The following RGS6 variants were observed in gnomAD, a reference collection of about 807,000 sequenced individuals.
RGS6 encodes the protein regulator of G-protein signaling 6.
RGS6 carries 30 observed loss-of-function variants against 78.5 expected under a neutral mutation model. The ratio of observed to expected loss-of-function variants is 0.38; its 90% CI spans 0.29 to 0.52. RGS6 has a LOEUF of 0.52. RGS6 is among the 20% of genes least tolerant of loss of function. RGS6 has a pLI of 0.85. For synonymous variants in RGS6, 206 were observed against 206.0 expected (o/e 1.00, Z 0.00); for missense variants, 495 against 609.7 (o/e 0.81, Z 1.98).
chr14:72,185,181 T>G (rs1433181901), intron 2 of RGS6, among the ~76,000 whole-genome samples: 1 of 152,014 alleles, frequency 6.6e-6, no homozygotes, highest in Non-Finnish European at 1.5e-5. Flanking sequence ...TTCTTCTGCT[T>G]GCTTTATTCT....
intron 17 of RGS6, among the ~76,000 whole-genome samples, chr14:72,552,023 T>A (rs1451483615): frequency 1.3e-5 from 2 of 152,230 alleles, no homozygotes; most frequent in Non-Finnish European, 2.9e-5. Context: ...ATTATGATAT[T>A]ATTTGCAGCT....
intron 3 of RGS6, among the ~76,000 whole-genome samples, chr14:72,393,297 A>G (rs918608409): frequency 6.6e-6 from 1 of 152,206 alleles, no homozygotes. Context: ...TTTGGTGATC[A>G]AGCAGCTCAA....
At chr14:72,183,383 T>C (rs2097199395) in intron 2 of RGS6, among the ~76,000 whole-genome samples, 1 of 152,246 alleles carries the variant, frequency 6.6e-6, no homozygotes, top group African/African-American at 2.4e-5. Flanking sequence ...TAGCCTTTTG[T>C]ATAATTTGTA....
At chr14:71,970,147 T>G (rs1465335368) in intron 2 of RGS6, among the ~76,000 whole-genome samples, 3 of 152,262 alleles carry the variant, frequency 2.0e-5, no homozygotes, top group Non-Finnish European at 4.4e-5. Context: ...GTATTAATTA[T>G]ATGCTATATA....
intron 7 of RGS6, among the ~76,000 whole-genome samples, chr14:72,469,011 T>C (rs1485358930): frequency 1.3e-5 from 2 of 152,140 alleles, no homozygotes; most frequent in Non-Finnish European, 1.5e-5. Flanking sequence ...CTTGCATTCA[T>C]CAGAATTAGG....
At chr14:72,216,108 G>A (rs2045501703) in intron 2 of RGS6, among the ~76,000 whole-genome samples, 1 of 152,166 alleles carries the variant, frequency 6.6e-6, no homozygotes, top group African/African-American at 2.4e-5. Flanking sequence ...AACAGTATAT[G>A]GAAGTATATG....
chr14:72,494,859 C>T (rs1280715956), intron 12 of RGS6, among the ~76,000 whole-genome samples: 18 of 152,062 alleles, frequency 1.2e-4, no homozygotes, highest in Non-Finnish European at 2.6e-4. Context: ...ATCAGTAAGG[C>T]TAGCATAACC....
At position 72,311,721 on chromosome 14, in the gene RGS6, A is replaced by G. The variant is rs144175224; in HGVS notation, c.85-40374A>G. ...GCCACATTCTCAAAGTGCTCCATTCATTGTCACTTGAAAAGACCACTGTTG... is the reference window on the plus strand; with the variant it reads ...GCCACATTCTCAAAGTGCTCCATTCGTTGTCACTTGAAAAGACCACTGTTG... On this transcript the variant is annotated intron_variant, in intron 2 of 17. Transcript: ENST00000553525. 2.3e-3 allele frequency among the ~76,000 whole-genome samples: 346 copies of G among 152,288 alleles called. 2 individuals are homozygous for G. Among genetic ancestry groups the G allele is most frequent in the Admixed American group, 3.8e-3 (58 of 15,296 alleles).
intron 2 of RGS6, among the ~76,000 whole-genome samples, chr14:72,042,343 G>T (rs1335104547): frequency 6.6e-6 from 1 of 151,884 alleles, no homozygotes; most frequent in Non-Finnish European, 1.5e-5. Context: ...TGGCCAGGCT[G>T]GTCTCAAACT....
intron 2 of RGS6, among the ~76,000 whole-genome samples, chr14:72,097,813 T>G (rs897279726): frequency 6.6e-6 from 1 of 152,124 alleles, no homozygotes; most frequent in African/African-American, 2.4e-5. Context: ...GCCTATCACT[T>G]TGTCTCTGTA....
At chr14:72,533,360 T>C (rs535827448) in intron 15 of RGS6, among the ~76,000 whole-genome samples, 1 of 152,348 alleles carries the variant, frequency 6.6e-6, no homozygotes, top group South Asian at 2.1e-4. Context: ...TCATTGACAA[T>C]GCACCAAGCC....
At chr14:72,096,293 A>AAG (rs1473814489) in intron 2 of RGS6, among the ~76,000 whole-genome samples, 38 of 150,838 alleles carry the variant, frequency 2.5e-4, no homozygotes, top group African/African-American at 9.0e-4. Flanking sequence ...AAAAAAAAAA[A>AAG]GAAAAGAAAA....
intron 2 of RGS6, among the ~76,000 whole-genome samples, chr14:72,283,516 A>G (rs546922367): frequency 6.6e-6 from 1 of 152,266 alleles, no homozygotes; most frequent in African/African-American, 2.4e-5. Context: ...ATAGTTTTAT[A>G]AGAGGTTTTC....
the RGS6 span, among the ~76,000 whole-genome samples, chr14:72,578,323 C>G: frequency 6.6e-6 from 1 of 152,112 alleles, no homozygotes; most frequent in African/African-American, 2.4e-5. Flanking sequence ...ACGTAAGAGC[C>G]TAGGAGGCAA....
intron 2 of RGS6, among the ~76,000 whole-genome samples, chr14:72,177,359 A>G (rs1475664609): frequency 6.6e-6 from 1 of 152,158 alleles, no homozygotes; most frequent in Non-Finnish European, 1.5e-5. Flanking sequence ...GTCTTTGAGC[A>G]GGGAGGCTGA....
intron 2 of RGS6, among the ~76,000 whole-genome samples, chr14:72,034,053 A>G (rs1953150427): frequency 6.6e-6 from 1 of 152,174 alleles, no homozygotes; most frequent in South Asian, 2.1e-4. Context: ...TTTATAGTAT[A>G]TCTTCTTTAC....
chr14:72,122,129 C>T (rs1241153744), intron 2 of RGS6, among the ~76,000 whole-genome samples: 1 of 152,192 alleles, frequency 6.6e-6, no homozygotes, highest in Non-Finnish European at 1.5e-5. Flanking sequence ...ACCACATCCT[C>T]AAGGCTGGGA....
intron 2 of RGS6, among the ~76,000 whole-genome samples, chr14:72,046,805 T>C (rs61994801): frequency 0.14 from 21,398 of 152,290 alleles, 1,820 homozygotes; most frequent in Non-Finnish European, 0.19. Context: ...GCAAATGTCA[T>C]GTAGGATATG....
At chr14:71,988,816 G>C (rs942212534) in intron 2 of RGS6, among the ~76,000 whole-genome samples, 95 of 152,088 alleles carry the variant, frequency 6.2e-4, no homozygotes, top group African/African-American at 2.1e-3. Context: ...AACTGGGGAG[G>C]GGGTATACAA....
Sources: gnomAD v4.1 joint callset for allele counts (sites outside exome capture counted in the v4.1 genomes callset) on GRCh38, gnomAD v4.1.1 for gene constraint, MANE v1.5 for transcripts, NCBI Gene and HGNC (gene_info 2026-07-23, HGNC 2026-07-21) for gene names.